The following ADAM28 variants were observed in gnomAD, a reference collection of about 807,000 sequenced individuals.
ADAM28 encodes disintegrin and metalloproteinase domain-containing protein 28.
A neutral mutation model predicts 101.2 loss-of-function variants in ADAM28; 105 were observed. The ratio of observed to expected loss-of-function variants is 1.04; its 90% confidence interval spans 0.89 to 1.22. The LOEUF is 1.22. Among genes scored for constraint, ADAM28 ranks in the 50% most tolerant of loss-of-function variants. The pLI is 0.00. For synonymous variants in ADAM28, 322 were observed against 310.6 expected (o/e 1.04, Z -0.39); for missense variants, 1,028 against 945.4 (o/e 1.09, Z -1.15).
chr8:24,345,279 A>C (rs1815274680), intron 18 of ADAM28, among the ~76,000 whole-genome samples: 1 of 152,012 alleles, frequency 6.6e-6, no homozygotes, highest in Non-Finnish European at 1.5e-5. Context: ...TCTAGGTTTT[A>C]AAATTTATTT....
rs1816555193 is a variant in ADAM28, at chr8:24,354,649, T to TAAAGA, written c.*248_*252dup. The TAAAGA allele has an allele frequency of 2.7e-6, 1 of 367,522 alleles. No individual in the cohort carries two copies. The highest frequency in any genetic ancestry group is 6.6e-5 in the South Asian group (1 of 15,232). 22.8% of individuals were successfully genotyped at this position (367,522 alleles called of 1,614,324 possible). On this transcript the variant is annotated 3_prime_UTR_variant, in exon 23 of 23. Coordinates refer to ENST00000265769, the MANE Select transcript of ADAM28 (RefSeq NM_014265.6). The stretch of plus-strand genomic sequence containing the variant: ...ATTCTTATAAGAAGGAAGATGATTG[T>TAAAGA]AAAGAAATATCTCCGAAGTTAAAAT...
At position 24,301,471 on chromosome 8, in the gene ADAM28, T is replaced by TAA. The variant is rs759019052; in HGVS notation, c.150+1397_150+1398dup. 7.9e-5 allele frequency among the ~76,000 whole-genome samples: 12 copies of TAA among 152,130 alleles called. No homozygotes were observed. The East Asian group carries it at 2.3e-3, about 29-fold the overall frequency. ...GCACAGGTATCCCCTGAATCTAAAA[T>TAA]AAAAGTTGGAAAAAAAAATAAGGAT... On this transcript the variant is annotated intron_variant, in intron 2 of 22. Transcript: ENST00000265769.
intron 14 of ADAM28, among the ~76,000 whole-genome samples, chr8:24,337,204 C>G (rs1226437326): frequency 6.6e-6 from 1 of 152,202 alleles, no homozygotes; most frequent in Non-Finnish European, 1.5e-5. Flanking sequence ...ATCCTGGAAC[C>G]AGGCCTCAGC....
intron 18 of ADAM28, 27 bp downstream of exon 18, chr8:24,343,611 A>G (rs755317314): frequency 6.2e-7 from 1 of 1,603,768 alleles, no homozygotes; most frequent in Non-Finnish European, 8.5e-7. Flanking sequence ...ATCTAACCTG[A>G]GAAAATTGCT....
chr8:24,295,627 C>T (rs974664371), intron 1 of ADAM28, among the ~76,000 whole-genome samples: 11 of 152,084 alleles, frequency 7.2e-5, no homozygotes, highest in African/African-American at 2.7e-4. Flanking sequence ...CACTGGGGCC[C>T]ATGCACATTA....
At chr8:24,332,158 C>A (rs537293512) in intron 12 of ADAM28, among the ~76,000 whole-genome samples, 13 of 152,184 alleles carry the variant, frequency 8.5e-5, no homozygotes, top group Non-Finnish European at 1.6e-4. Flanking sequence ...TTCTCCAATA[C>A]CTTTTGCAGG....
chr8:24,344,266 G>A (rs1186388387), intron 18 of ADAM28, among the ~76,000 whole-genome samples: 5 of 151,406 alleles, frequency 3.3e-5, no homozygotes, highest in Admixed American at 1.3e-4. Flanking sequence ...CCTGAGGAGG[G>A]AGCTCATCAC....
chr8:24,348,535 C>T (rs768778284), intron 18 of ADAM28, among the ~76,000 whole-genome samples: 11 of 152,130 alleles, frequency 7.2e-5, no homozygotes, highest in Non-Finnish European at 1.3e-4. Flanking sequence ...GGTCCTTGCC[C>T]ACTCACTAAT....
intron 15 of ADAM28, chr8:24,341,390 A>T (rs11985937): frequency 0.042 from 20,675 of 496,982 alleles, 688 homozygotes; most frequent in East Asian, 0.12. Flanking sequence ...GTGTACAGGG[A>T]TCTAGGTAAT....
intron 8 of ADAM28, among the ~76,000 whole-genome samples, chr8:24,321,826 T>C (rs960059953): frequency 6.6e-6 from 1 of 151,996 alleles, no homozygotes; most frequent in Non-Finnish European, 1.5e-5. Context: ...CCAAACCCAT[T>C]TGAGTCATGC....
intron 18 of ADAM28, among the ~76,000 whole-genome samples, chr8:24,344,045 C>T (rs992547260): frequency 1.3e-5 from 2 of 152,154 alleles, no homozygotes; most frequent in Non-Finnish European, 2.9e-5. Context: ...GATATGTGAT[C>T]CTTAGTTCAA....
chr8:24,306,174 T>TA (rs1031194127), intron 2 of ADAM28, among the ~76,000 whole-genome samples: 8 of 151,220 alleles, frequency 5.3e-5, no homozygotes, highest in African/African-American at 9.7e-5. Flanking sequence ...CTGTCTCTAC[T>TA]AAAAATACAC....
At chr8:24,308,417 TTATTC>T (rs1408276644) in intron 2 of ADAM28, among the ~76,000 whole-genome samples, 1 of 152,180 alleles carries the variant, frequency 6.6e-6, no homozygotes, top group Non-Finnish European at 1.5e-5. Context: ...CCAAAAGCAT[TTATTC>T]TTTTCTAAAA....
chr8:24,339,628 C>G, intron 15 of ADAM28, 60 bp downstream of exon 15: 2 of 1,359,316 alleles, frequency 1.5e-6, no homozygotes, highest in South Asian at 2.6e-5. Context: ...ACACTTCCAG[C>G]TACACATTCT....
intron 2 of ADAM28, among the ~76,000 whole-genome samples, chr8:24,308,193 TCTTA>T (rs372168103): frequency 0.014 from 2,083 of 152,286 alleles, 42 homozygotes; most frequent in African/African-American, 0.048. Context: ...TCAAGGTGCA[TCTTA>T]CTTCTCTTGA....
rs549394199 is a variant in ADAM28, at chr8:24,344,561, T to G, written c.1990+977T>G. ...GAACATTTATTTCTGATGTTTAGTC[T>G]ATATTTATTGTTTCCATCCACATAA... On this transcript the variant is annotated intron_variant, in intron 18 of 22. Coordinates refer to ENST00000265769, the MANE Select transcript of ADAM28 (RefSeq NM_014265.6). Among the ~76,000 whole-genome samples the G allele has an allele frequency of 1.3e-3, 199 of 152,320 alleles. 1 individual carries two copies. Among genetic ancestry groups the G allele is most frequent in the Non-Finnish European group, 1.9e-3 (129 of 68,022 alleles).
chr8:24,350,499 T>G (rs1585748984), intron 19 of ADAM28, among the ~76,000 whole-genome samples: 1 of 152,028 alleles, frequency 6.6e-6, no homozygotes, highest in African/African-American at 2.4e-5. Flanking sequence ...TTAGTAGAGA[T>G]GGGGTTTCAC....
Position 24,352,027 on chromosome 8 carries a change from A to T in ADAM28, c.2219A>T (p.Glu740Val), listed in dbSNP as rs1425288010. 6.2e-7 allele frequency: 1 copy of T among 1,613,824 alleles called. No homozygotes were observed. The highest frequency in any genetic ancestry group is 1.1e-5 in the South Asian group (1 of 91,074). ...MKPHVYDLPVEGNEPPASFHK... is the reference protein window; with the variant it reads ...MKPHVYDLPVVGNEPPASFHK... Reference sequence around the variant, plus strand: ...CCCCATGTGTATGATCTGCCAGTAGAAGGCAATGAGCCCCCAGCCTCTTTT... The same window carrying T: ...CCCCATGTGTATGATCTGCCAGTAGTAGGCAATGAGCCCCCAGCCTCTTTT... Residue 740 changes from glutamate (E) to valine (V), a missense_variant, in exon 21 of 23, where the codon GAA (glutamate) becomes GTA (valine). Transcript: ENST00000265769.
At chr8:24,349,012 C>T (rs1031646312) in intron 18 of ADAM28, among the ~76,000 whole-genome samples, 10 of 152,018 alleles carry the variant, frequency 6.6e-5, no homozygotes, top group African/African-American at 2.2e-4. Flanking sequence ...TGGCGAGTAG[C>T]GAATATTTGA....
Sources: gnomAD v4.1 joint callset for allele counts (sites outside exome capture counted in the v4.1 genomes callset) on GRCh38, gnomAD v4.1.1 for gene constraint, MANE v1.5 for transcripts, NCBI Gene and HGNC (gene_info 2026-07-23, HGNC 2026-07-21) for gene names.